FTCDNL1: variants seen among roughly 807,000 people sequenced by gnomAD.
FTCDNL1 encodes the protein formiminotransferase N-terminal subdomain-containing protein.
In FTCDNL1, 11 loss-of-function variants were observed where a neutral mutation model predicts 5.9. That is an observed-to-expected ratio of 1.87 (90% CI 1.18 to 3.10). FTCDNL1 has a LOEUF of 3.10. FTCDNL1 is among the 30% of genes most tolerant of loss of function. The probability of loss-of-function intolerance (pLI) is 0.00; values close to 1 mark genes in which losing one functional copy is unlikely to be tolerated. For missense variants in FTCDNL1, 115 were observed against 65.5 expected (o/e 1.76, Z -2.61); for synonymous variants, 58 against 24.8 (o/e 2.34, Z -3.99).
intron 3 of FTCDNL1, among the ~76,000 whole-genome samples, chr2:199,777,542 A>G (rs1195188684): frequency 1.3e-5 from 2 of 152,146 alleles, no homozygotes; most frequent in East Asian, 3.9e-4. Context: ...CCTCTGCTTT[A>G]CTTAAAGTTG....
At chr2:199,746,531 T>C in the FTCDNL1 span, among the ~76,000 whole-genome samples, 30 of 151,922 alleles carry the variant, frequency 2.0e-4, no homozygotes, top group Admixed American at 2.0e-3. Flanking sequence ...GAGGTCGGCA[T>C]CTAGTATTTA....
At chr2:199,804,993 G>T (rs528091706), downstream of FTCDNL1, among the ~76,000 whole-genome samples, 78 of 152,312 alleles carry the variant, frequency 5.1e-4, 1 homozygote, top group African/African-American at 1.8e-3. Flanking sequence ...CAGAGCTGGG[G>T]CTCAGGCGTC....
chr2:199,843,097 C>T (rs1427820456), intron 3 of FTCDNL1, among the ~76,000 whole-genome samples: 2 of 152,268 alleles, frequency 1.3e-5, no homozygotes, highest in East Asian at 3.9e-4. Context: ...GAAGCTATTA[C>T]ATTTCAAATC....
chr2:199,848,147 A>C (rs2076778662), intron 2 of FTCDNL1, among the ~76,000 whole-genome samples: 1 of 152,234 alleles, frequency 6.6e-6, no homozygotes, highest in Non-Finnish European at 1.5e-5. Flanking sequence ...TGTGTGTGTC[A>C]AAGTAAAGAC....
chr2:199,707,489 C>A, the FTCDNL1 span, among the ~76,000 whole-genome samples: 2 of 151,894 alleles, frequency 1.3e-5, no homozygotes, highest in African/African-American at 4.8e-5. Flanking sequence ...TCATTATTTT[C>A]TTTTTAATGA....
chr2:199,671,674 C>G, the FTCDNL1 span, among the ~76,000 whole-genome samples: 1 of 152,126 alleles, frequency 6.6e-6, no homozygotes, highest in Admixed American at 6.5e-5. Context: ...CCCCTGCTAG[C>G]TGAGTGGTCC....
At chr2:199,669,951 T>G in the FTCDNL1 span, among the ~76,000 whole-genome samples, 1 of 152,194 alleles carries the variant, frequency 6.6e-6, no homozygotes, top group Non-Finnish European at 1.5e-5. Flanking sequence ...GCTCTCAAGT[T>G]GAAACAATGA....
downstream of FTCDNL1, among the ~76,000 whole-genome samples, chr2:199,757,574 A>G (rs1698115497): frequency 6.6e-6 from 1 of 152,202 alleles, no homozygotes; most frequent in Non-Finnish European, 1.5e-5. Context: ...AAAAAAAGCA[A>G]ACACAAATAA....
the FTCDNL1 span, among the ~76,000 whole-genome samples, chr2:199,722,920 T>C: frequency 6.6e-6 from 1 of 152,148 alleles, no homozygotes; most frequent in Non-Finnish European, 1.5e-5. Context: ...TTTGGCTCTC[T>C]GCTTGTCTAT....
At chr2:199,685,391 A>C in the FTCDNL1 span, among the ~76,000 whole-genome samples, 1 of 152,138 alleles carries the variant, frequency 6.6e-6, no homozygotes, top group African/African-American at 2.4e-5. Context: ...CACTACCTCC[A>C]GAGCCACCTA....
the FTCDNL1 span, among the ~76,000 whole-genome samples, chr2:199,703,135 A>T: frequency 2.0e-5 from 3 of 152,192 alleles, no homozygotes; most frequent in South Asian, 6.2e-4. Context: ...TACATGTGCC[A>T]TGCTGGTGTG....
At chr2:199,839,943 G>A (rs774254752) in intron 3 of FTCDNL1, among the ~76,000 whole-genome samples, 25 of 151,960 alleles carry the variant, frequency 1.6e-4, no homozygotes, top group Admixed American at 5.2e-4. Context: ...CCACCAAAAC[G>A]ACACCATAAA....
intron 4 of FTCDNL1, chr2:199,818,443 A>G (rs1189661161): frequency 6.6e-6 from 1 of 152,198 alleles, no homozygotes; most frequent in Non-Finnish European, 1.5e-5. Flanking sequence ...TGGGCACTTT[A>G]CAGACATCAT....
At chr2:199,711,547 T>C in the FTCDNL1 span, among the ~76,000 whole-genome samples, 8 of 152,204 alleles carry the variant, frequency 5.3e-5, no homozygotes, top group South Asian at 2.1e-4. Flanking sequence ...CCTACCTTAT[T>C]CTATTATGGT....
intron 3 of FTCDNL1, among the ~76,000 whole-genome samples, chr2:199,841,320 G>A (rs374394693): frequency 1.3e-5 from 2 of 151,828 alleles, no homozygotes; most frequent in South Asian, 2.1e-4. Flanking sequence ...ACAGGAGGCG[G>A]GGTTTGCAGT....
At chr2:199,845,404 T>C in intron 3 of FTCDNL1, among the ~76,000 whole-genome samples, 1 of 151,962 alleles carries the variant, frequency 6.6e-6, no homozygotes, top group East Asian at 1.9e-4. Context: ...CCATCTCTAC[T>C]GAAAACAATA....
At chr2:199,674,411 C>T in the FTCDNL1 span, among the ~76,000 whole-genome samples, 1 of 152,132 alleles carries the variant, frequency 6.6e-6, no homozygotes. Flanking sequence ...TGGTGAACTT[C>T]ACATAGCAGT....
At chr2:199,800,862 AC>A (rs1348857047) in intron 3 of FTCDNL1, among the ~76,000 whole-genome samples, 3 of 152,214 alleles carry the variant, frequency 2.0e-5, no homozygotes, top group African/African-American at 7.2e-5. Context: ...TATGATTATC[AC>A]AAAAAATGAA....
At chr2:199,831,499 A>G (rs1287417054) in intron 3 of FTCDNL1, among the ~76,000 whole-genome samples, 3 of 152,368 alleles carry the variant, frequency 2.0e-5, no homozygotes, top group East Asian at 1.9e-4. Context: ...AGAATGAAAT[A>G]GAACTATATG....
Sources: gnomAD v4.1 joint callset for allele counts (sites outside exome capture counted in the v4.1 genomes callset) on GRCh38, gnomAD v4.1.1 for gene constraint, MANE v1.5 for transcripts, NCBI Gene and HGNC (gene_info 2026-07-23, HGNC 2026-07-21) for gene names.